Variants in RPA3 observed in about 807,000 individuals in gnomAD.
RPA3 encodes replication protein A3, also known as replication protein A 14 kDa subunit.
In RPA3, 24 loss-of-function variants were observed where a neutral mutation model predicts 13.7. The ratio of observed to expected loss-of-function variants is 1.75; its 90% CI spans 1.27 to 2.46. The LOEUF is 2.46. RPA3 is among the 30% of genes most tolerant of loss of function. The probability of loss-of-function intolerance (pLI) is 0.00; values close to 1 mark genes in which losing one functional copy is unlikely to be tolerated. For synonymous variants in RPA3, 59 were observed against 51.2 expected (o/e 1.15, Z -0.65); for missense variants, 183 against 151.0 (o/e 1.21, Z -1.11).
At position 7,640,644 on chromosome 7, in the gene RPA3, G is replaced by A. The variant is rs557118385; in HGVS notation, c.-226C>T. On this transcript the variant is annotated 5_prime_UTR_variant, in exon 5 of 8. Transcript: ENST00000223129. ...GTGGAGATTGGCTGCTTAGTGACGC[G>A]CGGCGTCCCGGAAGTTGACAGATAC... 2.1e-4 allele frequency: 114 copies of A among 543,950 alleles called. No homozygotes were observed. Among genetic ancestry groups the A allele is most frequent in the Non-Finnish European group, 2.4e-4 (73 of 304,946 alleles). The allele number at this position is 543,950 out of a possible 1,614,324, so 33.7% of individuals were successfully genotyped here.
At chr7:7,678,089 T>C (rs1417856561) in intron 4 of RPA3, among the ~76,000 whole-genome samples, 1 of 152,156 alleles carries the variant, frequency 6.6e-6, no homozygotes, top group Admixed American at 6.6e-5. Flanking sequence ...ATTTCTTCTT[T>C]TGGGTATGTA....
intron 2 of RPA3, among the ~76,000 whole-genome samples, chr7:7,701,074 A>G (rs569312510): frequency 3.0e-4 from 45 of 152,304 alleles, no homozygotes; most frequent in African/African-American, 1.0e-3. Flanking sequence ...AAGTCATACA[A>G]GTATAATTCA....
At position 7,667,591 on chromosome 7, in the gene RPA3, AATGTTTAT is replaced by A. The variant is rs28992768; in HGVS notation, c.-758+18231_-758+18238del. ...CATTGTCTGGCCTATCCACTTAATG[AATGTTTAT>A]ATTATAAAAGTATGAAGTAAGTGAA... On this transcript the variant is annotated intron_variant, in intron 4 of 7. Transcript: ENST00000223129. Among the ~76,000 whole-genome samples, 594 of 152,294 alleles carry A rather than the reference AATGTTTAT, an allele frequency of 3.9e-3. 2 individuals are homozygous for A. The highest frequency in any genetic ancestry group is 0.014 in the African/African-American group (571 of 41,546).
At chr7:7,662,604 G>T (rs1583706429) in intron 4 of RPA3, among the ~76,000 whole-genome samples, 1 of 152,102 alleles carries the variant, frequency 6.6e-6, no homozygotes, top group South Asian at 2.1e-4. Flanking sequence ...TGGGTGAGGC[G>T]ACACCCCACC....
At position 7,658,119 on chromosome 7, in the gene RPA3, A is replaced by G. The variant is rs191710121; in HGVS notation, c.-757-16944T>C. 2.2e-3 allele frequency among the ~76,000 whole-genome samples: 339 copies of G among 150,702 alleles called. 4 individuals carry two copies. The highest frequency in any genetic ancestry group is 7.7e-3 in the African/African-American group (318 of 41,270). On this transcript the variant is annotated intron_variant, in intron 4 of 7. Coordinates refer to ENST00000223129, the MANE Select transcript of RPA3 (RefSeq NM_002947.5). ...TGCTTTGGCTCTCTGTTTGTCTATTATTGGTGTATAGGAATGCTTGTGATT... is the reference window on the plus strand; with the variant it reads ...TGCTTTGGCTCTCTGTTTGTCTATTGTTGGTGTATAGGAATGCTTGTGATT...
At chr7:7,694,072 G>C (rs7791051) in intron 2 of RPA3, among the ~76,000 whole-genome samples, 2,781 of 152,162 alleles carry the variant, frequency 0.018, 89 homozygotes, top group African/African-American at 0.064. Context: ...CAAAGCTTTA[G>C]ATTTTTCTCC....
chr7:7,643,096 G>A (rs541534461), intron 4 of RPA3, among the ~76,000 whole-genome samples: 263 of 152,200 alleles, frequency 1.7e-3, no homozygotes, highest in Non-Finnish European at 3.1e-3. Context: ...GGGATGGTTT[G>A]GCAATTACCG....
chr7:7,681,003 G>A (rs941386571), intron 4 of RPA3, among the ~76,000 whole-genome samples: 6 of 151,910 alleles, frequency 3.9e-5, no homozygotes, highest in African/African-American at 1.5e-4. Context: ...GGCATCGTGT[G>A]CAATACGTAC....
At chr7:7,685,509 A>G (rs1780023704) in intron 4 of RPA3, among the ~76,000 whole-genome samples, 1 of 152,032 alleles carries the variant, frequency 6.6e-6, no homozygotes, top group Non-Finnish European at 1.5e-5. Flanking sequence ...GAGTTTCACC[A>G]CTTTGGCCAG....
chr7:7,684,995 A>G (rs1379580422), intron 4 of RPA3, among the ~76,000 whole-genome samples: 1 of 152,218 alleles, frequency 6.6e-6, no homozygotes, highest in Non-Finnish European at 1.5e-5. Flanking sequence ...CTAATGCTGT[A>G]ACTTCACATT....
chr7:7,691,063 T>C (rs1780162169), intron 2 of RPA3, among the ~76,000 whole-genome samples: 1 of 152,196 alleles, frequency 6.6e-6, no homozygotes, highest in Non-Finnish European at 1.5e-5. Flanking sequence ...CAATTTGTGC[T>C]CCATGTGACC....
At chr7:7,695,551 G>C (rs556851059) in intron 2 of RPA3, among the ~76,000 whole-genome samples, 9 of 152,216 alleles carry the variant, frequency 5.9e-5, no homozygotes, top group Admixed American at 4.6e-4. Flanking sequence ...CTCAGAGCAA[G>C]AACACTCAAG....
rs529344076 is a variant in RPA3, at chr7:7,656,905, G to A, written c.-757-15730C>T. On this transcript the variant is annotated intron_variant, in intron 4 of 7. Transcript: ENST00000223129. The stretch of plus-strand genomic sequence containing the variant: ...GAATCACCACACTGACTTCCACAAT[G>A]GTTGAACTAATTTACACTTCCACCA... Among the ~76,000 whole-genome samples, 13 of 152,302 alleles carry A rather than the reference G, an allele frequency of 8.5e-5. 1 individual carries two copies. In the South Asian group the frequency reaches 2.7e-3, roughly 32 times the overall value.
At chr7:7,657,979 C>A (rs1352278845) in intron 4 of RPA3, among the ~76,000 whole-genome samples, 1 of 152,054 alleles carries the variant, frequency 6.6e-6, no homozygotes, top group African/African-American at 2.4e-5. Context: ...GTGTCCTCTC[C>A]TATTTCCTTG....
Position 7,639,085 on chromosome 7 carries a change from G to C in RPA3, c.159C>G (p.Ile53Met). The change falls in exon 6 of 8, where the codon ATC (isoleucine) becomes ATG (methionine). Residue 53 changes from isoleucine to methionine, a missense_variant. Physicochemically the swap from Ile to Met is conservative, Grantham distance 10. Coordinates refer to ENST00000223129, the MANE Select transcript of RPA3 (RefSeq NM_002947.5). Reference sequence around the variant, plus strand: ...TTAAACATACGGGTTCCATCAACTCGATGGTTCCATTTTTTCCTTCTCCAT... The same window carrying C: ...TTAAACATACGGGTTCCATCAACTCCATGGTTCCATTTTTTCCTTCTCCAT... Reference protein sequence around the residue: ...LSDGEGKNGTIELMEPLDEEI... With the variant: ...LSDGEGKNGTMELMEPLDEEI... 4 of 1,612,052 alleles carry C rather than the reference G, an allele frequency of 2.5e-6. No individual in the cohort carries two copies. The highest frequency in any genetic ancestry group is 3.4e-6 in the Non-Finnish European group (4 of 1,179,034).
At chr7:7,697,385 A>T (rs1780346950) in intron 2 of RPA3, among the ~76,000 whole-genome samples, 5 of 152,246 alleles carry the variant, frequency 3.3e-5, no homozygotes. Context: ...AACACCTATG[A>T]AACAGATAAA....
chr7:7,703,092 G>A (rs911598788), intron 2 of RPA3, among the ~76,000 whole-genome samples: 1 of 152,080 alleles, frequency 6.6e-6, no homozygotes, highest in Non-Finnish European at 1.5e-5. Flanking sequence ...GAACTTCCTT[G>A]CCAAACCTTC....
At chr7:7,679,965 A>G (rs1037310937) in intron 4 of RPA3, among the ~76,000 whole-genome samples, 2 of 151,828 alleles carry the variant, frequency 1.3e-5, no homozygotes, top group Admixed American at 6.6e-5. Flanking sequence ...GTAGTTTGCA[A>G]ATATTTTCTC....
intron 4 of RPA3, among the ~76,000 whole-genome samples, chr7:7,649,694 G>GCC: frequency 6.6e-6 from 1 of 151,280 alleles, no homozygotes; most frequent in African/African-American, 2.4e-5. Flanking sequence ...TGGTGGGGGG[G>GCC]CCCACCCTAC....
Sources: allele counts gnomAD v4.1 joint callset (sites outside exome capture counted in the v4.1 genomes callset), GRCh38; gene constraint gnomAD v4.1.1; transcripts MANE v1.5; gene names NCBI Gene and HGNC (gene_info 2026-07-23, HGNC 2026-07-21).